CCDC150: variants seen among roughly 807,000 people sequenced by gnomAD.
CCDC150 encodes the protein coiled-coil domain containing 150, also known as coiled-coil domain-containing protein 150.
A neutral mutation model predicts 156.5 loss-of-function variants in CCDC150; 151 were observed. The observed-to-expected ratio is 0.97, with a 90% CI of 0.85 to 1.10. The LOEUF (loss-of-function observed/expected upper bound fraction) is 1.10. CCDC150 is among the 50% of genes least tolerant of loss of function. The pLI is 0.00. For synonymous variants in CCDC150, 452 were observed against 429.4 expected (o/e 1.05, Z -0.65); for missense variants, 1,312 against 1,268.1 (o/e 1.03, Z -0.53).
At chr2:196,641,179 G>GGA (rs1692207060) in intron 1 of CCDC150, among the ~76,000 whole-genome samples, 1 of 151,648 alleles carries the variant, frequency 6.6e-6, no homozygotes, top group African/African-American at 2.4e-5. Context: ...GGGTTTCGCC[G>GGA]TGTTAGCCAG....
At chr2:196,669,640 A>G (rs1028402277) in intron 7 of CCDC150, among the ~76,000 whole-genome samples, 193 bp from the exon 8 acceptor site, 3 of 152,136 alleles carry the variant, frequency 2.0e-5, no homozygotes, top group African/African-American at 7.2e-5. Context: ...GACCTCATTT[A>G]CCATTGCAAA....
rs1698479475 is a variant in CCDC150, at chr2:196,730,855, T to A, written c.2983-4T>A. On this transcript the variant is annotated splice_region_variant and splice_polypyrimidine_tract_variant and intron_variant, in intron 25 of 27. Transcript: ENST00000389175. Reference sequence around the variant, plus strand: ...TTATAAAAATCTTTGTATCACATTTTCAGGAATTGGAAGAAACTGTCAGAC... The same window carrying A: ...TTATAAAAATCTTTGTATCACATTTACAGGAATTGGAAGAAACTGTCAGAC... The A allele has an allele frequency of 6.3e-7, 1 of 1,586,340 alleles. No homozygotes were observed. Among genetic ancestry groups the A allele is most frequent in the African/African-American group, 1.3e-5 (1 of 74,468 alleles).
At chr2:196,687,781 C>A (rs1695204976) in intron 13 of CCDC150, among the ~76,000 whole-genome samples, 1 of 152,054 alleles carries the variant, frequency 6.6e-6, no homozygotes, top group African/African-American at 2.4e-5. Context: ...TTGTATATGG[C>A]ATAGGGAAGG....
chr2:196,660,749 T>C (rs1458851708), intron 5 of CCDC150, among the ~76,000 whole-genome samples: 1 of 152,218 alleles, frequency 6.6e-6, no homozygotes, highest in East Asian at 1.9e-4. Context: ...CCCTGCTCTA[T>C]AGCTTATCTT....
chr2:196,684,069 A>T (rs544662483), intron 13 of CCDC150, among the ~76,000 whole-genome samples: 2 of 152,134 alleles, frequency 1.3e-5, no homozygotes, highest in African/African-American at 4.8e-5. Flanking sequence ...TCTAAAAAAA[A>T]GCTTAGGTTA....
intron 15 of CCDC150, among the ~76,000 whole-genome samples, chr2:196,710,310 C>A (rs965984298): frequency 1.3e-5 from 2 of 152,260 alleles, no homozygotes; most frequent in Non-Finnish European, 2.9e-5. Context: ...CCAAGCCAGG[C>A]GCAGGATATA....
chr2:196,729,597 C>A, intron 23 of CCDC150, 196 bp from the exon 24 acceptor site: 1 of 652,010 alleles, frequency 1.5e-6, no homozygotes, highest in South Asian at 2.0e-5. Context: ...CATTCCGGCT[C>A]CCTATCTGTC....
chr2:196,687,956 A>G (rs1223946501), intron 13 of CCDC150, among the ~76,000 whole-genome samples: 1 of 152,042 alleles, frequency 6.6e-6, no homozygotes, highest in Non-Finnish European at 1.5e-5. Flanking sequence ...CCATTGGTCT[A>G]TGTGTCTGTT....
At chr2:196,715,810 C>A (rs951741740) in intron 17 of CCDC150, among the ~76,000 whole-genome samples, 1 of 152,002 alleles carries the variant, frequency 6.6e-6, no homozygotes, top group African/African-American at 2.4e-5. Context: ...ACAAAGATTT[C>A]TTAGATTTGA....
At chr2:196,700,244 G>T (rs777239363) in intron 14 of CCDC150, among the ~76,000 whole-genome samples, 1 of 152,220 alleles carries the variant, frequency 6.6e-6, no homozygotes, top group African/African-American at 2.4e-5. Context: ...AGTGCAGCTA[G>T]TTAGCTTATG....
chr2:196,661,180 A>T (rs941750931), intron 5 of CCDC150, among the ~76,000 whole-genome samples: 1 of 152,202 alleles, frequency 6.6e-6, no homozygotes, highest in Non-Finnish European at 1.5e-5. Context: ...CAGAAGTACT[A>T]TGCTAGTCAA....
chr2:196,716,833 TTAAAA>T lies in CCDC150; in HGVS notation c.1867-1666_1867-1662del, dbSNP rs1204949170. Reference sequence around the variant, plus strand: ...ACCTATTCAAAAATGTATTAAATGTTTAAAATAACATTCTTTTTTTTTTTTTTTTT... The same window carrying T: ...ACCTATTCAAAAATGTATTAAATGTTTAACATTCTTTTTTTTTTTTTTTTT... On this transcript the variant is annotated intron_variant, in intron 17 of 27. Coordinates refer to ENST00000389175, the MANE Select transcript of CCDC150 (RefSeq NM_001080539.2). Among the ~76,000 whole-genome samples the T allele has an allele frequency of 3.3e-5, 5 of 150,778 alleles. No individual in the cohort carries two copies. The South Asian group carries it at 1.0e-3, about 32-fold the overall frequency.
intron 13 of CCDC150, 106 bp from the exon 14 acceptor site, chr2:196,694,940 T>C (rs1453721766): frequency 3.5e-6 from 2 of 574,206 alleles, no homozygotes; most frequent in East Asian, 6.1e-5. Flanking sequence ...AGGAAACATA[T>C]GGACAATACT....
chr2:196,722,058 A>G (rs1002473787), intron 21 of CCDC150, among the ~76,000 whole-genome samples: 7 of 152,236 alleles, frequency 4.6e-5, no homozygotes, highest in Non-Finnish European at 1.0e-4. Flanking sequence ...AAGAAAAAAC[A>G]TCAGCCTGGG....
intron 26 of CCDC150, 123 bp from the exon 27 acceptor site, chr2:196,731,910 T>C: frequency 1.2e-6 from 1 of 813,484 alleles, no homozygotes; most frequent in Non-Finnish European, 1.9e-6. Context: ...AAATAGGTTG[T>C]GAAGAACAAG....
chr2:196,731,477 G>A (rs570984318), intron 26 of CCDC150, among the ~76,000 whole-genome samples: 33 of 147,180 alleles, frequency 2.2e-4, no homozygotes, highest in East Asian at 1.0e-3. Context: ...TGCAATCTCC[G>A]CCTCCCAGGC....
In CCDC150 at chr2:196,676,695, G is replaced by A. The variant is rs780466797; in HGVS notation, c.1404G>A (p.Lys468=). 6.2e-7 allele frequency: 1 copy of A among 1,613,762 alleles called. No homozygotes were observed. The highest frequency in any genetic ancestry group is 1.1e-5 in the South Asian group (1 of 91,066). Residue 468 remains lysine (K), a synonymous_variant, in exon 12 of 28, where the codon AAG becomes AAA. Coordinates refer to ENST00000389175, the MANE Select transcript of CCDC150 (RefSeq NM_001080539.2). ...TGGAAGCATCAATGCAAGAGAAGAA[G>A]TCTCTGCTAGAGGAGAAAGAAAGAT... ...GELEASMQEK[K]SLLEEKERFQ...
chr2:196,704,728 G>A (rs1339938371), intron 15 of CCDC150, among the ~76,000 whole-genome samples: 1 of 152,108 alleles, frequency 6.6e-6, no homozygotes, highest in East Asian at 1.9e-4. Flanking sequence ...AGGCCCCGGG[G>A]TGTGATGTTC....
chr2:196,661,382 C>T (rs1009056003), intron 5 of CCDC150, among the ~76,000 whole-genome samples: 10 of 152,066 alleles, frequency 6.6e-5, no homozygotes, highest in Admixed American at 3.9e-4. Context: ...TGCAGGTGTC[C>T]GCCTTCTAAC....
Sources: allele counts gnomAD v4.1 joint callset (sites outside exome capture counted in the v4.1 genomes callset), GRCh38; gene constraint gnomAD v4.1.1; transcripts MANE v1.5; gene names NCBI Gene and HGNC (gene_info 2026-07-23, HGNC 2026-07-21).